The following FUT9 variants were observed in gnomAD, a reference collection of about 807,000 sequenced individuals.
FUT9 encodes the protein fucosyltransferase 9.
In FUT9, 15 loss-of-function variants were observed where a neutral mutation model predicts 29.7. The ratio of observed to expected loss-of-function variants is 0.51; its 90% confidence interval spans 0.34 to 0.78. The LOEUF is 0.78. Ranked by LOEUF, FUT9 falls within the 30% of genes least tolerant of loss-of-function variation. The probability of loss-of-function intolerance (pLI) is 0.01; values close to 1 mark genes in which losing one functional copy is unlikely to be tolerated. For missense variants in FUT9, 319 were observed against 425.4 expected (o/e 0.75, Z 2.20); for synonymous variants, 169 against 153.7 (o/e 1.10, Z -0.74).
At chr6:96,141,228 T>C (rs1772456647) in intron 2 of FUT9, among the ~76,000 whole-genome samples, 1 of 152,212 alleles carries the variant, frequency 6.6e-6, no homozygotes, top group African/African-American at 2.4e-5. Flanking sequence ...AATATTAATC[T>C]TAATGATAAA....
chr6:96,180,048 G>C (rs1297216532), intron 2 of FUT9, among the ~76,000 whole-genome samples: 2 of 152,024 alleles, frequency 1.3e-5, no homozygotes, highest in East Asian at 3.8e-4. Flanking sequence ...GTTACTTCAT[G>C]GAAAATCTTC....
chr6:96,047,834 G>A (rs749903885), intron 1 of FUT9, among the ~76,000 whole-genome samples: 13 of 152,190 alleles, frequency 8.5e-5, no homozygotes, highest in Non-Finnish European at 1.8e-4. Context: ...TGTAGAGGAT[G>A]TATTAGTTTT....
At position 96,212,596 on chromosome 6, in the gene FUT9, C is replaced by T. The variant is rs540285491; in HGVS notation, c.*8361C>T. The T allele has an allele frequency of 3.9e-5, 14 of 362,458 alleles. No individual in the cohort carries two copies. The highest frequency in any genetic ancestry group is 2.9e-4 in the African/African-American group (14 of 47,682). 22.5% of individuals were successfully genotyped at this position (362,458 alleles called of 1,614,324 possible). ...GAGTAATTGTGACAATATAAAATGG[C>T]ATTGTTATAGAATCCCTAAAAGGTA... On this transcript the variant is annotated 3_prime_UTR_variant, in exon 3 of 3. Transcript: ENST00000302103.
intron 1 of FUT9, among the ~76,000 whole-genome samples, 156 bp downstream of exon 1, chr6:96,016,368 T>C (rs1053608483): frequency 3.9e-5 from 6 of 152,056 alleles, no homozygotes; most frequent in Admixed American, 3.9e-4. Context: ...CCCAAGGGGA[T>C]GTTTGATTTC....
Position 96,164,307 on chromosome 6 carries a change from G to A in FUT9, c.-8-38841G>A, listed in dbSNP as rs1772972240. ...AGTCTTGCTCTCTTTCGCCCAGGCC[G>A]GAGTGCAGTGGCGCGATCTCAGCTC... On this transcript the variant is annotated intron_variant, in intron 2 of 2. Transcript: ENST00000302103. 3.1e-5 allele frequency among the ~76,000 whole-genome samples: 4 copies of A among 131,056 alleles called. No individual in the cohort carries two copies. The South Asian group carries it at 7.7e-4, about 25-fold the overall frequency. The allele number at this position is 131,056 out of a possible 152,430, so 86.0% of individuals were successfully genotyped here.
intron 2 of FUT9, among the ~76,000 whole-genome samples, chr6:96,122,897 A>C (rs1007302882): frequency 5.3e-5 from 8 of 151,818 alleles, no homozygotes; most frequent in African/African-American, 1.9e-4. Context: ...ATACAAAAAA[A>C]TAGCTGGGCG....
chr6:96,033,962 A>G (rs1176270929), intron 1 of FUT9, among the ~76,000 whole-genome samples: 7 of 151,420 alleles, frequency 4.6e-5, no homozygotes, highest in Non-Finnish European at 8.9e-5. Flanking sequence ...CTAAATTAAG[A>G]AAAAAACCCT....
chr6:96,071,003 A>G (rs1271333411), intron 1 of FUT9, among the ~76,000 whole-genome samples: 1 of 152,232 alleles, frequency 6.6e-6, no homozygotes, highest in Non-Finnish European at 1.5e-5. Flanking sequence ...CTGCATGACA[A>G]AATAAATATG....
At chr6:96,082,703 A>C (rs1192983219) in intron 1 of FUT9, among the ~76,000 whole-genome samples, 2 of 151,954 alleles carry the variant, frequency 1.3e-5, no homozygotes, top group African/African-American at 4.8e-5. Context: ...ATCTTTAAAC[A>C]ATTACATTGA....
chr6:96,084,759 C>T (rs1771288907), intron 1 of FUT9, among the ~76,000 whole-genome samples: 1 of 152,132 alleles, frequency 6.6e-6, no homozygotes. Context: ...ACTTAGCACA[C>T]TATGGTCTTC....
At chr6:96,045,727 T>C (rs564376998) in intron 1 of FUT9, among the ~76,000 whole-genome samples, 2 of 152,336 alleles carry the variant, frequency 1.3e-5, no homozygotes, top group South Asian at 2.1e-4. Context: ...GAAACTCAGC[T>C]TGAGATGCAA....
In FUT9 at chr6:96,204,618, C is replaced by T. The variant is rs1773793570; in HGVS notation, c.*383C>T. 1 of 169,078 alleles carries T rather than the reference C, an allele frequency of 5.9e-6. No individual in the cohort carries two copies. The highest frequency in any genetic ancestry group is 2.1e-4 in the South Asian group (1 of 4,846). The allele number at this position is 169,078 out of a possible 1,614,324, so 10.5% of individuals were successfully genotyped here. A position where few individuals can be genotyped will look rare whatever the true frequency, so the allele number is the denominator to read the frequency against. The stretch of plus-strand genomic sequence containing the variant: ...CACATCTTAAAGTATGAAAAATTTT[C>T]ACTAAGTATTACAATGTCTAGTTCC... On this transcript the variant is annotated 3_prime_UTR_variant, in exon 3 of 3. Transcript: ENST00000302103.
intron 2 of FUT9, among the ~76,000 whole-genome samples, chr6:96,182,661 A>G (rs1773330129): frequency 6.6e-6 from 1 of 152,088 alleles, no homozygotes; most frequent in African/African-American, 2.4e-5. Context: ...ACATGTGGCT[A>G]GCCAATTATC....
rs79941716 is a variant in FUT9, at chr6:96,042,686, C to T, written c.-98+26474C>T. On this transcript the variant is annotated intron_variant, in intron 1 of 2. Transcript: ENST00000302103. ...ATCAAATCTTAGATACAATGAAGCC[C>T]CAAACCCTCCTTTTTTGGTCTTGTA... Among the ~76,000 whole-genome samples the T allele has an allele frequency of 8.9e-3, 1,356 of 152,164 alleles. 28 individuals carry two copies. The highest frequency in any genetic ancestry group is 0.031 in the African/African-American group (1,293 of 41,498).
intron 1 of FUT9, among the ~76,000 whole-genome samples, chr6:96,084,050 G>A (rs1359133397): frequency 6.6e-6 from 1 of 152,036 alleles, no homozygotes; most frequent in Non-Finnish European, 1.5e-5. Flanking sequence ...TGTCAATTGA[G>A]TAGATATTTA....
intron 1 of FUT9, among the ~76,000 whole-genome samples, chr6:96,038,186 T>C (rs1251989897): frequency 6.6e-6 from 1 of 152,142 alleles, no homozygotes; most frequent in Non-Finnish European, 1.5e-5. Context: ...CCATTTAATT[T>C]CCAATTATGG....
In FUT9 at chr6:96,201,014, A is replaced by G. The variant is rs190440723; in HGVS notation, c.-8-2134A>G. 2.5e-3 allele frequency among the ~76,000 whole-genome samples: 374 copies of G among 152,082 alleles called. 3 individuals are homozygous for G. Among genetic ancestry groups the G allele is most frequent in the Non-Finnish European group, 2.6e-3 (180 of 67,934 alleles). ...AAACAAAGTCATATCTTGCTTGGGTAACAAGATTATAATTGACCTCATGAG... is the reference window on the plus strand; with the variant it reads ...AAACAAAGTCATATCTTGCTTGGGTGACAAGATTATAATTGACCTCATGAG... On this transcript the variant is annotated intron_variant, in intron 2 of 2. Transcript: ENST00000302103.
chr6:96,065,245 G>A (rs139012505), intron 1 of FUT9, among the ~76,000 whole-genome samples: 2 of 152,250 alleles, frequency 1.3e-5, no homozygotes, highest in East Asian at 3.9e-4. Context: ...CCCATGGTGG[G>A]GCAGTCAAGG....
intron 1 of FUT9, chr6:96,037,197 A>G (rs1362191976): frequency 6.6e-6 from 1 of 151,992 alleles, no homozygotes; most frequent in Non-Finnish European, 1.5e-5. Context: ...GAGGCTTATG[A>G]AGACCTAATT....
Sources: allele counts gnomAD v4.1 joint callset (sites outside exome capture counted in the v4.1 genomes callset), GRCh38; gene constraint gnomAD v4.1.1; transcripts MANE v1.5; gene names NCBI Gene and HGNC (gene_info 2026-07-23, HGNC 2026-07-21).